The following EYS variants were observed in gnomAD, a reference collection of about 807,000 sequenced individuals.
EYS encodes the protein protein eyes shut homolog.
In EYS, 250 loss-of-function variants were observed where a neutral mutation model predicts 282.1. The observed-to-expected ratio is 0.89, with a 90% CI of 0.80 to 0.98. EYS has a LOEUF of 0.98. Ranked by LOEUF, EYS falls within the 50% of genes least tolerant of loss-of-function variation. EYS has a pLI of 0.00. For missense variants in EYS, 4,016 were observed against 3,709.0 expected, an observed-to-expected ratio of 1.08 and a Z score of -2.15; for synonymous variants, 1,355 against 1,282.9, an observed-to-expected ratio of 1.06 and a Z score of -1.20.
intron 22 of EYS, among the ~76,000 whole-genome samples, chr6:64,658,772 G>A (rs1045038550): frequency 2.0e-5 from 3 of 152,150 alleles, no homozygotes; most frequent in African/African-American, 4.8e-5. Context: ...CTACTGGGGG[G>A]TGCCTCCCAG....
chr6:64,802,835 T>C (rs535568557), intron 22 of EYS, among the ~76,000 whole-genome samples: 3 of 152,328 alleles, frequency 2.0e-5, no homozygotes, highest in African/African-American at 7.2e-5. Context: ...TTATCATCTA[T>C]CTCTTTGTGA....
chr6:64,297,217 G>A (rs996827653), intron 30 of EYS, among the ~76,000 whole-genome samples: 2 of 123,688 alleles, frequency 1.6e-5, no homozygotes, highest in African/African-American at 6.2e-5. Flanking sequence ...TGAACTAGAT[G>A]GTGGTCATTG....
rs960934249 is a variant in EYS at position 65,693,413 on chromosome 6, T to C, written c.-448+13722A>G. Among the ~76,000 whole-genome samples the C allele has an allele frequency of 2.0e-5, 3 of 147,354 alleles. 1 individual carries two copies. The highest frequency in any genetic ancestry group is 4.9e-5 in the African/African-American group (2 of 40,752). On this transcript the variant is annotated intron_variant, in intron 1 of 42. Transcript: ENST00000503581. ...TCTTCTTTTTTCCTTTCTTTTTTTT[T>C]TTTTTTTTTTTAAGTCTTGGGCCAT...
chr6:65,275,988 AAAACAAAC>A (rs369037503), intron 12 of EYS, among the ~76,000 whole-genome samples: 1,707 of 152,050 alleles, frequency 0.011, 30 homozygotes, highest in East Asian at 0.029. Flanking sequence ...ATAAAAAAAC[AAAACAAAC>A]AAACAAACAA....
chr6:65,494,253 TTTTA>T (rs1222596052), intron 4 of EYS, among the ~76,000 whole-genome samples: 3 of 151,332 alleles, frequency 2.0e-5, no homozygotes, highest in South Asian at 2.1e-4. Context: ...TTTTATTTAT[TTTTA>T]TTTATTTATT....
chr6:63,880,939 A>G (rs1335996097), intron 35 of EYS, among the ~76,000 whole-genome samples: 1 of 152,188 alleles, frequency 6.6e-6, no homozygotes, highest in African/African-American at 2.4e-5. Flanking sequence ...GGCTGTAGGC[A>G]AGCTTCTTAG....
chr6:64,601,481 A>G (rs1382735538), intron 24 of EYS, among the ~76,000 whole-genome samples: 4 of 152,016 alleles, frequency 2.6e-5, no homozygotes. Context: ...ATTATCTTCT[A>G]TCTCACACAT....
At chr6:64,304,494 G>C (rs374695894) in intron 30 of EYS, among the ~76,000 whole-genome samples, 1 of 152,080 alleles carries the variant, frequency 6.6e-6, no homozygotes, top group Non-Finnish European at 1.5e-5. Context: ...ATTCTTAAAA[G>C]CATGTGGAAC....
At chr6:64,905,550 A>C (rs1767800280) in intron 16 of EYS, among the ~76,000 whole-genome samples, 1 of 152,172 alleles carries the variant, frequency 6.6e-6, no homozygotes, top group South Asian at 2.1e-4. Flanking sequence ...AATGGTCAGT[A>C]AATGATATTT....
In EYS at chr6:64,886,808, G is replaced by A. The variant is rs1170138781; in HGVS notation, c.2881C>T (p.Pro961Ser). ...TTATTTACATCAAGTTCACAGAAGG[G>A]CCCATGGTACTCAGGTTCACAATTA... ...FCNCEPEYHG[P>S]FCELDVNKCK... Residue 961 changes from proline (P) to serine (S), a missense_variant, in exon 19 of 43, where the codon CCC becomes TCC. Pro to Ser is a moderately conservative substitution (Grantham distance 74, BLOSUM62 -1). Coordinates refer to ENST00000503581, the MANE Select transcript of EYS (RefSeq NM_001142800.2). 8 of 1,544,724 alleles carry A rather than the reference G, an allele frequency of 5.2e-6. No individual in the cohort carries two copies. Among genetic ancestry groups the A allele is most frequent in the East Asian group, 2.5e-5 (1 of 40,516 alleles).
chr6:64,347,819 C>T (rs879849531), intron 29 of EYS, among the ~76,000 whole-genome samples: 4 of 151,236 alleles, frequency 2.6e-5, no homozygotes, highest in Admixed American at 6.6e-5. Context: ...TCAACTGTGT[C>T]GTGCTATCTT....
intron 2 of EYS, among the ~76,000 whole-genome samples, chr6:65,620,343 G>C (rs1229883984): frequency 1.3e-5 from 2 of 152,186 alleles, no homozygotes; most frequent in African/African-American, 4.8e-5. Flanking sequence ...TATTTGCGTA[G>C]AGGTGTTTGT....
chr6:64,651,392 A>T (rs528671418), intron 22 of EYS, among the ~76,000 whole-genome samples: 1 of 152,348 alleles, frequency 6.6e-6, no homozygotes, highest in Non-Finnish European at 1.5e-5. Flanking sequence ...AAAGTACCTA[A>T]AAATAAGCCA....
intron 2 of EYS, among the ~76,000 whole-genome samples, chr6:65,566,870 T>C (rs920878021): frequency 3.3e-5 from 5 of 152,130 alleles, no homozygotes; most frequent in African/African-American, 4.8e-5. Flanking sequence ...AAAATTACAA[T>C]ATGACTGCAT....
chr6:64,449,464 T>C (rs1775240521), intron 26 of EYS, among the ~76,000 whole-genome samples: 1 of 152,082 alleles, frequency 6.6e-6, no homozygotes, highest in Admixed American at 6.6e-5. Flanking sequence ...TTCCCCAATC[T>C]AGCAAGGCAG....
At chr6:65,329,737 A>G (rs774618574) in intron 11 of EYS, 435 of 970,698 alleles carry the variant, frequency 4.5e-4, no homozygotes, top group Non-Finnish European at 5.1e-4. Context: ...TAGAATAAAT[A>G]ATTATTAGAC....
intron 21 of EYS, among the ~76,000 whole-genome samples, chr6:64,817,519 C>T (rs1313698680): frequency 6.6e-6 from 1 of 152,130 alleles, no homozygotes; most frequent in Non-Finnish European, 1.5e-5. Context: ...GCAGGGGATA[C>T]ATGTGCAGCC....
chr6:64,987,630 C>T (rs1422099405), intron 14 of EYS, among the ~76,000 whole-genome samples: 1 of 151,420 alleles, frequency 6.6e-6, no homozygotes, highest in African/African-American at 2.4e-5. Context: ...TTGGGGGAGG[C>T]ATGACTTGTG....
intron 31 of EYS, among the ~76,000 whole-genome samples, chr6:64,169,609 T>A (rs1195824348): frequency 1.3e-5 from 2 of 152,062 alleles, no homozygotes; most frequent in Non-Finnish European, 2.9e-5. Flanking sequence ...AATGGAGACC[T>A]TTTGTTAAGG....
Sources: gnomAD v4.1 joint callset for allele counts (sites outside exome capture counted in the v4.1 genomes callset) on GRCh38, gnomAD v4.1.1 for gene constraint, MANE v1.5 for transcripts, NCBI Gene and HGNC (gene_info 2026-07-23, HGNC 2026-07-21) for gene names.